The following SUPT3H variants were observed in gnomAD, a reference collection of about 807,000 sequenced individuals.
SUPT3H encodes the protein SPT3 homolog, SAGA and STAGA complex component, also known as transcription initiation protein SPT3 homolog.
Under a neutral mutation model 44.3 loss-of-function variants are expected in SUPT3H, and 44 were observed. The observed-to-expected ratio is 0.99, with a 90% CI of 0.78 to 1.28. The LOEUF is 1.28. SUPT3H is among the 50% of genes most tolerant of loss of function. SUPT3H has a pLI of 0.00. For synonymous variants in SUPT3H, 124 were observed against 125.6 expected (o/e 0.99, Z 0.09); for missense variants, 380 against 387.1 (o/e 0.98, Z 0.15).
intron 3 of SUPT3H, among the ~76,000 whole-genome samples, chr6:45,058,593 T>C (rs1198959718): frequency 6.6e-6 from 1 of 152,126 alleles, no homozygotes; most frequent in Non-Finnish European, 1.5e-5. Flanking sequence ...GTGGGGCTCT[T>C]TGAAATCTTA....
At chr6:45,320,155 C>T (rs1785261609) in intron 2 of SUPT3H, among the ~76,000 whole-genome samples, 2 of 152,052 alleles carry the variant, frequency 1.3e-5, no homozygotes, top group African/African-American at 2.4e-5. Flanking sequence ...TTTCCAAATA[C>T]TTCAAGAATT....
At chr6:45,021,382 G>C (rs1785113086) in intron 3 of SUPT3H, among the ~76,000 whole-genome samples, 1 of 151,826 alleles carries the variant, frequency 6.6e-6, no homozygotes, top group Non-Finnish European at 1.5e-5. Context: ...ATAAAAGAAT[G>C]TGAAAAATGA....
rs370852487 is a variant in SUPT3H at position 44,893,491 on chromosome 6, A to G, written c.912+39162T>C. Among the ~76,000 whole-genome samples the G allele has an allele frequency of 4.9e-4, 74 of 151,874 alleles. 1 individual carries two copies. In the South Asian group the frequency reaches 0.013, roughly 27 times the overall value. Reference sequence around the variant, plus strand: ...GCGGTGTTTGGTTTTTTGTTCTTGCAATAGTTTACTGAGAATAATGATTTC... The same window carrying G: ...GCGGTGTTTGGTTTTTTGTTCTTGCGATAGTTTACTGAGAATAATGATTTC... On this transcript the variant is annotated intron_variant, in intron 10 of 10. Transcript: ENST00000371459.
chr6:44,981,473 A>AAC (rs760445330), intron 6 of SUPT3H, among the ~76,000 whole-genome samples: 8 of 152,236 alleles, frequency 5.3e-5, no homozygotes, highest in Non-Finnish European at 1.2e-4. Context: ...TCTGTATATC[A>AAC]ACAGTGCTTA....
intron 2 of SUPT3H, among the ~76,000 whole-genome samples, chr6:45,256,903 G>A (rs1011139411): frequency 6.6e-6 from 1 of 152,152 alleles, no homozygotes; most frequent in Non-Finnish European, 1.5e-5. Flanking sequence ...AAACATTCAA[G>A]TACAAGTTTC....
At chr6:45,168,880 G>A (rs576556034) in intron 2 of SUPT3H, among the ~76,000 whole-genome samples, 2 of 152,128 alleles carry the variant, frequency 1.3e-5, no homozygotes, top group East Asian at 1.9e-4. Context: ...GTCATAAAGA[G>A]ACTTAAATTT....
At chr6:45,266,962 T>A (rs912052244) in intron 2 of SUPT3H, among the ~76,000 whole-genome samples, 2 of 152,104 alleles carry the variant, frequency 1.3e-5, no homozygotes, top group African/African-American at 4.8e-5. Context: ...GTTTACATAG[T>A]CAAAACTGTT....
intron 10 of SUPT3H, among the ~76,000 whole-genome samples, chr6:44,838,318 C>T (rs1009054333): frequency 1.3e-5 from 2 of 152,124 alleles, no homozygotes; most frequent in African/African-American, 4.8e-5. Context: ...GATGTGGTTC[C>T]TGCCCTCTGT....
intron 5 of SUPT3H, among the ~76,000 whole-genome samples, chr6:45,009,046 C>T (rs1341274209): frequency 6.6e-6 from 1 of 152,072 alleles, no homozygotes; most frequent in African/African-American, 2.4e-5. Flanking sequence ...GTATCTTTTT[C>T]AGTGTCTATT....
chr6:45,242,834 A>G (rs1770617510), intron 2 of SUPT3H, among the ~76,000 whole-genome samples: 1 of 152,176 alleles, frequency 6.6e-6, no homozygotes, highest in South Asian at 2.1e-4. Flanking sequence ...TAAACAGAAG[A>G]AAAGTCAATA....
At chr6:45,261,178 A>G (rs899455047) in intron 2 of SUPT3H, among the ~76,000 whole-genome samples, 14 of 152,052 alleles carry the variant, frequency 9.2e-5, no homozygotes, top group Non-Finnish European at 1.5e-4. Context: ...AATTATTCCA[A>G]AAAAACCAAA....
At chr6:45,018,064 C>T (rs1184829454) in intron 4 of SUPT3H, among the ~76,000 whole-genome samples, 1 of 152,022 alleles carries the variant, frequency 6.6e-6, no homozygotes, top group Non-Finnish European at 1.5e-5. Context: ...TCCTTCATGT[C>T]CCTTGTAAGT....
chr6:45,286,229 A>G, intron 2 of SUPT3H, among the ~76,000 whole-genome samples: 1 of 152,086 alleles, frequency 6.6e-6, no homozygotes, highest in African/African-American at 2.4e-5. Flanking sequence ...TGGCAACAGA[A>G]GCCAAAATTG....
intron 6 of SUPT3H, among the ~76,000 whole-genome samples, chr6:44,976,956 G>A (rs1044902291): frequency 2.0e-5 from 3 of 152,178 alleles, no homozygotes; most frequent in Admixed American, 6.5e-5. Flanking sequence ...TTTCTGTTAA[G>A]ATATTTGATG....
intron 6 of SUPT3H, among the ~76,000 whole-genome samples, chr6:44,998,682 C>A (rs904511390): frequency 6.6e-6 from 1 of 151,886 alleles, no homozygotes; most frequent in African/African-American, 2.4e-5. Context: ...AGAGGTGACA[C>A]AGATTCATTC....
chr6:45,201,017 A>G, intron 2 of SUPT3H, among the ~76,000 whole-genome samples: 1 of 151,636 alleles, frequency 6.6e-6, no homozygotes, highest in Middle Eastern at 3.2e-3. Flanking sequence ...GAACAATACG[A>G]AGATTTCAAT....
At chr6:45,235,880 C>T (rs1196972666) in intron 2 of SUPT3H, among the ~76,000 whole-genome samples, 1 of 152,094 alleles carries the variant, frequency 6.6e-6, no homozygotes. Flanking sequence ...GAATACCTGG[C>T]CCAACCAGAG....
At chr6:45,295,660 C>A (rs1213505383) in intron 2 of SUPT3H, among the ~76,000 whole-genome samples, 1 of 149,172 alleles carries the variant, frequency 6.7e-6, no homozygotes, top group Admixed American at 6.7e-5. Context: ...CAGAAATCAA[C>A]AAGAAAAAAA....
intron 6 of SUPT3H, among the ~76,000 whole-genome samples, chr6:44,963,997 C>CA (rs56393801): frequency 0.22 from 30,468 of 136,316 alleles, 3,665 homozygotes; most frequent in Non-Finnish European, 0.3. Context: ...GACTCCGTTT[C>CA]AAAAAAAAAA....
Sources: gnomAD v4.1 joint callset for allele counts (sites outside exome capture counted in the v4.1 genomes callset) on GRCh38, gnomAD v4.1.1 for gene constraint, MANE v1.5 for transcripts, NCBI Gene and HGNC (gene_info 2026-07-23, HGNC 2026-07-21) for gene names.